KHDRBS2: variants seen among roughly 807,000 people sequenced by gnomAD.
KHDRBS2 encodes KH RNA binding domain containing, signal transduction associated 2.
A neutral mutation model predicts 44.3 loss-of-function variants in KHDRBS2; 26 were observed. The observed-to-expected ratio is 0.59, with a 90% CI of 0.43 to 0.81. The LOEUF is 0.81. Among genes scored for constraint, KHDRBS2 ranks in the 40% least tolerant of loss-of-function variants. KHDRBS2 has a pLI of 0.00. For missense variants in KHDRBS2, 476 were observed against 433.1 expected (o/e 1.10, Z -0.88); for synonymous variants, 194 against 151.1 (o/e 1.28, Z -2.08).
At chr6:61,914,580 GCA>G (rs1282190716) in intron 4 of KHDRBS2, among the ~76,000 whole-genome samples, 3 of 151,968 alleles carry the variant, frequency 2.0e-5, no homozygotes, top group African/African-American at 7.3e-5. Flanking sequence ...AATGGGTGCA[GCA>G]CACCAACATG....
chr6:61,871,580 A>C (rs1314767054), intron 6 of KHDRBS2, among the ~76,000 whole-genome samples: 1 of 152,168 alleles, frequency 6.6e-6, no homozygotes, highest in African/African-American at 2.4e-5. Flanking sequence ...GAAATGAAGG[A>C]AAAACTGTTA....
intron 1 of KHDRBS2, among the ~76,000 whole-genome samples, chr6:62,227,678 T>G (rs1585300004): frequency 6.6e-6 from 1 of 152,146 alleles, no homozygotes; most frequent in Non-Finnish European, 1.5e-5. Context: ...AATAGTTGTT[T>G]TTATTTTGAG....
the KHDRBS2 span, among the ~76,000 whole-genome samples, chr6:61,611,796 C>T: frequency 1.3e-5 from 2 of 152,136 alleles, no homozygotes; most frequent in Non-Finnish European, 2.9e-5. Context: ...GAGCATAGTA[C>T]CCATTAGGTA....
At chr6:61,997,819 C>T (rs1433658229) in intron 3 of KHDRBS2, among the ~76,000 whole-genome samples, 2 of 152,106 alleles carry the variant, frequency 1.3e-5, no homozygotes, top group African/African-American at 2.4e-5. Context: ...CATTCTGTTG[C>T]CATTCTCCAA....
At chr6:61,830,451 T>C (rs1210070587) in intron 6 of KHDRBS2, among the ~76,000 whole-genome samples, 1 of 152,214 alleles carries the variant, frequency 6.6e-6, no homozygotes, top group East Asian at 1.9e-4. Context: ...TGGTAAACCA[T>C]AGAACATTTT....
the KHDRBS2 span, among the ~76,000 whole-genome samples, chr6:61,607,519 G>GAAAAAAAAAAAAAAAAAAAAAAAAAAAAA: frequency 2.1e-4 from 5 of 23,320 alleles, 1 homozygote; most frequent in African/African-American, 3.1e-4. Context: ...TGAGTTCCAA[G>GAAAAAAAAAAAAAAAAAAAAAAAAAAAAA]CAAAAAAAAA....
At chr6:61,896,026 TC>T (rs1327793742) in intron 5 of KHDRBS2, among the ~76,000 whole-genome samples, 1 of 152,182 alleles carries the variant, frequency 6.6e-6, no homozygotes, top group African/African-American at 2.4e-5. Context: ...AAGAATACTC[TC>T]CTAGATTGGG....
chr6:61,735,251 GTTATC>G (rs1182281451), intron 6 of KHDRBS2, among the ~76,000 whole-genome samples: 1 of 151,760 alleles, frequency 6.6e-6, no homozygotes, highest in Non-Finnish European at 1.5e-5. Context: ...TCTCATTTGT[GTTATC>G]TTATATATAT....
At chr6:62,198,802 C>G (rs1459915170) in intron 1 of KHDRBS2, among the ~76,000 whole-genome samples, 1 of 152,072 alleles carries the variant, frequency 6.6e-6, no homozygotes, top group East Asian at 1.9e-4. Context: ...AATTTTAGAC[C>G]AATATCCCTG....
intron 1 of KHDRBS2, among the ~76,000 whole-genome samples, chr6:62,217,534 T>A (rs539608831): frequency 5.9e-4 from 89 of 151,942 alleles, no homozygotes; most frequent in Middle Eastern, 3.4e-3. Flanking sequence ...AAATGTGATT[T>A]ATAAATTAGC....
chr6:62,030,303 C>T (rs1268175115), intron 3 of KHDRBS2, among the ~76,000 whole-genome samples: 3 of 152,006 alleles, frequency 2.0e-5, no homozygotes, highest in Non-Finnish European at 4.4e-5. Flanking sequence ...AGTATCAGCC[C>T]TAGAGGGTGC....
At chr6:61,715,641 A>T (rs1379688753) in intron 7 of KHDRBS2, among the ~76,000 whole-genome samples, 1 of 151,856 alleles carries the variant, frequency 6.6e-6, no homozygotes, top group Non-Finnish European at 1.5e-5. Context: ...ATGCTCCCTC[A>T]TGTCCTCTAA....
the KHDRBS2 span, among the ~76,000 whole-genome samples, chr6:61,642,252 T>C: frequency 6.6e-6 from 1 of 152,166 alleles, no homozygotes; most frequent in African/African-American, 2.4e-5. Context: ...TTCACTTTTT[T>C]ATTTGCCATT....
chr6:62,119,507 G>A (rs1430024256), intron 2 of KHDRBS2, among the ~76,000 whole-genome samples: 2 of 152,068 alleles, frequency 1.3e-5, no homozygotes, highest in Admixed American at 6.6e-5. Context: ...CTCTTATCAT[G>A]CAAGTGGCTG....
intron 7 of KHDRBS2, among the ~76,000 whole-genome samples, chr6:61,709,960 T>A (rs1419609426): frequency 6.6e-6 from 1 of 151,750 alleles, no homozygotes. Context: ...CTGAATTCAT[T>A]GGTGCAAGCT....
chr6:62,195,845 G>A (rs781149399), intron 1 of KHDRBS2, among the ~76,000 whole-genome samples: 2 of 152,070 alleles, frequency 1.3e-5, no homozygotes, highest in Non-Finnish European at 2.9e-5. Flanking sequence ...AGAACACTGA[G>A]CCCTGTTTCA....
At chr6:61,707,379 T>C (rs1277697733) in intron 7 of KHDRBS2, among the ~76,000 whole-genome samples, 1 of 151,744 alleles carries the variant, frequency 6.6e-6, no homozygotes, top group Non-Finnish European at 1.5e-5. Flanking sequence ...TCCTAAGCCT[T>C]CATTGACCAC....
Position 62,164,780 on chromosome 6 carries a change from C to T in KHDRBS2, c.219+12405G>A, listed in dbSNP as rs60356216. 3.6e-3 allele frequency among the ~76,000 whole-genome samples: 552 copies of T among 151,964 alleles called. 2 individuals are homozygous for T. Among genetic ancestry groups the T allele is most frequent in the African/African-American group, 0.013 (533 of 41,544 alleles). ...GCCCTCTAAAATACTTGAGTCTATA[C>T]TCTCTGACCAAGACACTATGAAGTG... On this transcript the variant is annotated intron_variant, in intron 2 of 8. Coordinates refer to ENST00000281156, the MANE Select transcript of KHDRBS2 (RefSeq NM_152688.4).
intron 8 of KHDRBS2, among the ~76,000 whole-genome samples, chr6:61,686,532 A>ATTT (rs1402560272): frequency 2.6e-5 from 4 of 151,780 alleles, no homozygotes; most frequent in Non-Finnish European, 2.9e-5. Context: ...GATAGCATCC[A>ATTT]TTTTATTTAC....
Sources: allele counts gnomAD v4.1 joint callset (sites outside exome capture counted in the v4.1 genomes callset), GRCh38; gene constraint gnomAD v4.1.1; transcripts MANE v1.5; gene names NCBI Gene and HGNC (gene_info 2026-07-23, HGNC 2026-07-21).